The following CNTNAP2 variants were observed in gnomAD, a reference collection of about 807,000 sequenced individuals.
CNTNAP2 encodes contactin associated protein 2.
A neutral mutation model predicts 155.2 loss-of-function variants in CNTNAP2; 98 were observed. The observed-to-expected ratio is 0.63, with a 90% CI of 0.54 to 0.75. The LOEUF (loss-of-function observed/expected upper bound fraction) is 0.75. Ranked by LOEUF, CNTNAP2 falls within the 30% of genes least tolerant of loss-of-function variation. CNTNAP2 has a pLI of 0.00. For synonymous variants in CNTNAP2, 651 were observed against 631.2 expected, an observed-to-expected ratio of 1.03 and a Z score of -0.47; for missense variants, 1,727 against 1,688.1, an observed-to-expected ratio of 1.02 and a Z score of -0.40.
intron 1 of CNTNAP2, among the ~76,000 whole-genome samples, chr7:146,490,716 T>A (rs1461793362): frequency 6.6e-6 from 1 of 152,214 alleles, no homozygotes; most frequent in South Asian, 2.1e-4. Flanking sequence ...TAAGTTCATA[T>A]TTTTAGAGTT....
At chr7:148,214,059 C>T (rs891746517) in intron 18 of CNTNAP2, among the ~76,000 whole-genome samples, 3 of 152,218 alleles carry the variant, frequency 2.0e-5, no homozygotes, top group Admixed American at 1.3e-4. Flanking sequence ...CTTGGCTACC[C>T]ACCTCTGGCC....
chr7:148,296,979 A>G (rs1233101993), intron 21 of CNTNAP2, among the ~76,000 whole-genome samples: 1 of 152,184 alleles, frequency 6.6e-6, no homozygotes, highest in African/African-American at 2.4e-5. Context: ...TTGTCTCCCT[A>G]GAGACCTTTT....
At chr7:147,947,754 G>A (rs1051534935) in intron 14 of CNTNAP2, among the ~76,000 whole-genome samples, 5 of 152,132 alleles carry the variant, frequency 3.3e-5, no homozygotes, top group African/African-American at 1.2e-4. Flanking sequence ...TATTTCTGAT[G>A]CCTTTAATTT....
At chr7:146,704,380 G>C (rs1453562035) in intron 1 of CNTNAP2, among the ~76,000 whole-genome samples, 1 of 152,108 alleles carries the variant, frequency 6.6e-6, no homozygotes, top group Non-Finnish European at 1.5e-5. Context: ...AGCCAGAACA[G>C]ACAAAATAGA....
At chr7:147,675,210 T>C (rs1795849530) in intron 13 of CNTNAP2, among the ~76,000 whole-genome samples, 1 of 152,062 alleles carries the variant, frequency 6.6e-6, no homozygotes, top group Non-Finnish European at 1.5e-5. Flanking sequence ...CACAAGGCCT[T>C]CCATTCAGTG....
chr7:148,074,002 C>T (rs542982591), intron 15 of CNTNAP2, among the ~76,000 whole-genome samples: 23 of 152,128 alleles, frequency 1.5e-4, no homozygotes, highest in Admixed American at 2.6e-4. Flanking sequence ...CGAGAGATGA[C>T]GGTATACATA....
At chr7:148,183,475 C>CTTTTTTTTTT (rs71527885) in intron 18 of CNTNAP2, among the ~76,000 whole-genome samples, 17 of 82,238 alleles carry the variant, frequency 2.1e-4, no homozygotes, top group Non-Finnish European at 2.7e-4. Context: ...TACTTATTTG[C>CTTTTTTTTTT]TTTTTTTTTT....
chr7:146,953,057 A>AT (rs1482399048), intron 3 of CNTNAP2, among the ~76,000 whole-genome samples: 2 of 152,088 alleles, frequency 1.3e-5, no homozygotes, highest in Non-Finnish European at 2.9e-5. Flanking sequence ...TTGGAAGTAA[A>AT]TGAACAGATC....
chr7:147,809,583 T>C (rs1013045463), intron 13 of CNTNAP2, among the ~76,000 whole-genome samples: 1 of 152,208 alleles, frequency 6.6e-6, no homozygotes, highest in African/African-American at 2.4e-5. Flanking sequence ...TAAAATACAA[T>C]CTGCTGTTTG....
rs115404778 is a variant in CNTNAP2 at position 146,763,151 on chromosome 7, C to G, written c.98-11120C>G. On this transcript the variant is annotated intron_variant, in intron 1 of 23. Transcript: ENST00000361727. ...GCAGTCTCTCTGGCCACTTTCCGTC[C>G]TGTTTACCTCATGCTTCTGCTCCAT... Among the ~76,000 whole-genome samples the G allele has an allele frequency of 7.8e-3, 1,182 of 152,284 alleles. 16 individuals carry two copies. The highest frequency in any genetic ancestry group is 0.025 in the African/African-American group (1,043 of 41,546).
At chr7:147,379,198 A>G (rs1181879615) in intron 9 of CNTNAP2, among the ~76,000 whole-genome samples, 1 of 152,074 alleles carries the variant, frequency 6.6e-6, no homozygotes, top group African/African-American at 2.4e-5. Flanking sequence ...AGTCTTGCCT[A>G]TGTCTGTATT....
chr7:147,719,275 G>A (rs1032065465), intron 13 of CNTNAP2, among the ~76,000 whole-genome samples: 2 of 152,016 alleles, frequency 1.3e-5, no homozygotes, highest in Non-Finnish European at 1.5e-5. Flanking sequence ...AGGAAGGAAT[G>A]TTTTTTCTCT....
chr7:147,238,733 T>C (rs1229133143), intron 8 of CNTNAP2, among the ~76,000 whole-genome samples: 1 of 152,220 alleles, frequency 6.6e-6, no homozygotes, highest in Non-Finnish European at 1.5e-5. Flanking sequence ...GTAAACGTAA[T>C]TAAATTCAAG....
intron 13 of CNTNAP2, among the ~76,000 whole-genome samples, chr7:147,781,994 G>A (rs1159539045): frequency 2.0e-5 from 3 of 149,974 alleles, no homozygotes; most frequent in African/African-American, 7.4e-5. Flanking sequence ...CTGCACTCCA[G>A]CCTGGGCGAC....
At chr7:147,663,734 A>G (rs1259863106) in intron 13 of CNTNAP2, among the ~76,000 whole-genome samples, 3 of 152,220 alleles carry the variant, frequency 2.0e-5, no homozygotes, top group Non-Finnish European at 4.4e-5. Flanking sequence ...ATGAATTTTT[A>G]TTGTATATAT....
At chr7:146,689,904 T>A (rs1422310302) in intron 1 of CNTNAP2, among the ~76,000 whole-genome samples, 1 of 151,792 alleles carries the variant, frequency 6.6e-6, no homozygotes, top group Non-Finnish European at 1.5e-5. Context: ...ACTACTAAGG[T>A]TTCAGTTTTT....
At chr7:147,317,579 T>A (rs1795254393) in intron 9 of CNTNAP2, among the ~76,000 whole-genome samples, 1 of 152,214 alleles carries the variant, frequency 6.6e-6, no homozygotes, top group South Asian at 2.1e-4. Context: ...GATGACTACT[T>A]CTTTCTCAAA....
intron 20 of CNTNAP2, 84 bp from the exon 21 acceptor site, chr7:148,266,949 G>C (rs1796681640): frequency 8.0e-7 from 1 of 1,244,534 alleles, no homozygotes; most frequent in South Asian, 1.2e-5. Flanking sequence ...GGTTCAAAGA[G>C]TGATGTCATC....
chr7:148,311,010 G>C lies in CNTNAP2; in HGVS notation c.3475+43884G>C, dbSNP rs1797586666. On this transcript the variant is annotated intron_variant, in intron 21 of 23. Transcript: ENST00000361727. ...ATCGAGAAGGTGAAAGATTACCTAA[G>C]GGAATTCCAGTAGGTCTTTGCTGAG... 2.0e-5 allele frequency among the ~76,000 whole-genome samples: 3 copies of C among 152,182 alleles called. No individual in the cohort carries two copies. The South Asian group carries it at 6.2e-4, about 32-fold the overall frequency.
Sources: gnomAD v4.1 joint callset for allele counts (sites outside exome capture counted in the v4.1 genomes callset) on GRCh38, gnomAD v4.1.1 for gene constraint, MANE v1.5 for transcripts, NCBI Gene and HGNC (gene_info 2026-07-23, HGNC 2026-07-21) for gene names.